The following UST variants were observed in gnomAD, a reference collection of about 807,000 sequenced individuals.
UST encodes the protein uronyl 2-sulfotransferase.
In UST, 21 loss-of-function variants were observed where a neutral mutation model predicts 45.6. That is an observed-to-expected ratio of 0.46 (90% CI 0.33 to 0.66). The LOEUF (loss-of-function observed/expected upper bound fraction) is 0.66. Among genes scored for constraint, UST ranks in the 30% least tolerant of loss-of-function variants. The probability of loss-of-function intolerance (pLI) is 0.02; values close to 1 mark genes in which losing one functional copy is unlikely to be tolerated. For missense variants in UST, 463 were observed against 512.4 expected, an observed-to-expected ratio of 0.90 and a Z score of 0.93; for synonymous variants, 215 against 200.6, an observed-to-expected ratio of 1.07 and a Z score of -0.61.
chr6:149,005,542 A>T lies in UST; in HGVS notation c.682-13597A>T. ...TAGTAAAGTCTCCAGTGTACTTTTC[A>T]TTCCTTCCACAAGCTTTTACCGAAT... On this transcript the variant is annotated intron_variant, in intron 5 of 7. Transcript: ENST00000367463. The T allele has an allele frequency of 3.0e-6, 3 of 985,410 alleles. No individual in the cohort carries two copies. The Middle Eastern group carries it at 1.6e-3, about 515-fold the overall frequency. The allele number at this position is 985,410 out of a possible 1,614,324, so 61.0% of individuals were successfully genotyped here. A position where few individuals can be genotyped will look rare whatever the true frequency, so the allele number is the denominator to read the frequency against.
intron 1 of UST, among the ~76,000 whole-genome samples, chr6:148,756,060 A>T (rs1031809120): frequency 7.3e-6 from 1 of 136,606 alleles, no homozygotes; most frequent in African/African-American, 2.8e-5. Context: ...CCTGTGTCCA[A>T]GTGTTCTCAT....
chr6:149,008,257 A>G (rs1775748479), intron 5 of UST, among the ~76,000 whole-genome samples: 2 of 152,236 alleles, frequency 1.3e-5, no homozygotes, highest in South Asian at 4.1e-4. Flanking sequence ...GAGTCAAAAG[A>G]TAAGATTCCA....
intron 1 of UST, among the ~76,000 whole-genome samples, chr6:148,843,653 C>T (rs1344448318): frequency 6.6e-6 from 1 of 152,198 alleles, no homozygotes; most frequent in Non-Finnish European, 1.5e-5. Flanking sequence ...GTGGCTGATT[C>T]CAGATTCCAG....
intron 1 of UST, among the ~76,000 whole-genome samples, chr6:148,813,355 A>G (rs921988646): frequency 2.0e-5 from 3 of 151,548 alleles, no homozygotes; most frequent in Non-Finnish European, 2.9e-5. Flanking sequence ...AATATAAGCC[A>G]TTGCCACCAA....
chr6:148,975,531 T>C (rs368531052), intron 5 of UST, among the ~76,000 whole-genome samples: 1 of 152,328 alleles, frequency 6.6e-6, no homozygotes, highest in East Asian at 1.9e-4. Context: ...ACTTTGTCAT[T>C]GTCTTGCTTA....
At chr6:148,768,101 A>G (rs1475351079) in intron 1 of UST, among the ~76,000 whole-genome samples, 1 of 152,220 alleles carries the variant, frequency 6.6e-6, no homozygotes, top group Non-Finnish European at 1.5e-5. Flanking sequence ...ATGGCTTTGT[A>G]TATTTCACTA....
At position 149,066,009 on chromosome 6, in the gene UST, C is replaced by T. The variant is rs139114691; in HGVS notation, c.938-7824C>T. On this transcript the variant is annotated intron_variant, in intron 7 of 7. Coordinates refer to ENST00000367463, the MANE Select transcript of UST (RefSeq NM_005715.3). ...CCAGGGAGAAGGGAAGAGGCTGGAACAGAGCCTGAGGAGGACTGGTCTTTA... is the reference window on the plus strand; with the variant it reads ...CCAGGGAGAAGGGAAGAGGCTGGAATAGAGCCTGAGGAGGACTGGTCTTTA... 4.3e-3 allele frequency among the ~76,000 whole-genome samples: 659 copies of T among 152,234 alleles called. 8 individuals are homozygous for T. Among genetic ancestry groups the T allele is most frequent in the African/African-American group, 0.014 (578 of 41,532 alleles).
At chr6:149,070,637 G>A (rs894797666) in intron 7 of UST, among the ~76,000 whole-genome samples, 1 of 152,102 alleles carries the variant, frequency 6.6e-6, no homozygotes, top group Admixed American at 6.5e-5. Flanking sequence ...ATACCTAATG[G>A]GGTACATGAG....
At chr6:148,938,748 T>C (rs1295970301) in intron 2 of UST, among the ~76,000 whole-genome samples, 3 of 151,628 alleles carry the variant, frequency 2.0e-5, no homozygotes, top group East Asian at 1.9e-4. Flanking sequence ...CTTTTCATAA[T>C]AGCTATGAAA....
intron 4 of UST, among the ~76,000 whole-genome samples, chr6:148,959,865 T>C (rs1412135981): frequency 6.6e-6 from 1 of 151,806 alleles, no homozygotes; most frequent in African/African-American, 2.4e-5. Flanking sequence ...AGTCTAGTCC[T>C]GGGCAGAGGA....
chr6:149,025,047 A>G (rs1018194725), intron 7 of UST, among the ~76,000 whole-genome samples: 1 of 152,220 alleles, frequency 6.6e-6, no homozygotes, highest in African/African-American at 2.4e-5. Flanking sequence ...AAAAAACACT[A>G]ATAGCAATGA....
intron 7 of UST, among the ~76,000 whole-genome samples, chr6:149,055,911 AC>A (rs1776555555): frequency 6.6e-6 from 1 of 152,082 alleles, no homozygotes; most frequent in South Asian, 2.1e-4. Flanking sequence ...CATCGCAACT[AC>A]CTTCATTTAT....
chr6:148,974,466 CAG>C (rs1469507165), intron 5 of UST, among the ~76,000 whole-genome samples: 1 of 152,100 alleles, frequency 6.6e-6, no homozygotes, highest in East Asian at 1.9e-4. Context: ...GTGTTTCAGA[CAG>C]AGTAGAAATG....
At chr6:149,007,578 G>A (rs1467187170) in intron 5 of UST, among the ~76,000 whole-genome samples, 31 of 149,988 alleles carry the variant, frequency 2.1e-4, no homozygotes, top group South Asian at 1.1e-3. Flanking sequence ...GTGAGCCACC[G>A]CGCCTGGCCT....
At chr6:148,758,095 A>T (rs1046877070) in intron 1 of UST, among the ~76,000 whole-genome samples, 7 of 152,224 alleles carry the variant, frequency 4.6e-5, no homozygotes, top group Non-Finnish European at 8.8e-5. Context: ...TTTAGCACAC[A>T]TACACATATG....
At chr6:148,978,147 T>C (rs1781055547) in intron 5 of UST, among the ~76,000 whole-genome samples, 1 of 152,206 alleles carries the variant, frequency 6.6e-6, no homozygotes. Flanking sequence ...TTATTTTCAG[T>C]TTACCAGATA....
rs779851155 is a variant in UST at position 148,909,502 on chromosome 6, A to AC, written c.291+22474dup. 1.2e-4 allele frequency among the ~76,000 whole-genome samples: 18 copies of AC among 152,274 alleles called. No homozygotes were observed. The South Asian group carries it at 1.2e-3, about 11-fold the overall frequency. On this transcript the variant is annotated intron_variant, in intron 2 of 7. Transcript: ENST00000367463. ...AAATTTCCCATCTTACTCTAAAAAG[A>AC]CTCTACTTGTATTCCAATTGCAGGC...
At chr6:148,833,839 G>A (rs1238726060) in intron 1 of UST, among the ~76,000 whole-genome samples, 1 of 152,146 alleles carries the variant, frequency 6.6e-6, no homozygotes, top group East Asian at 1.9e-4. Context: ...CATCAAAAAG[G>A]TTAAAGGGAA....
rs1488784015 is a variant in UST, at chr6:148,748,399, T to G, written c.247+722T>G. On this transcript the variant is annotated intron_variant, in intron 1 of 7. Transcript: ENST00000367463. This position sits in a 1 kb window ranked among gnomAD's most constrained non-coding sequence, Gnocchi z 5.3. ...GTGCGTCTCAAGCTCAAGTCAAAAC[T>G]TGTGTGTGTGTGTGTGTGTGTGTGT... is the stretch of plus-strand genomic sequence containing the variant. Among the ~76,000 whole-genome samples the G allele has an allele frequency of 1.6e-5, 2 of 127,530 alleles. No homozygotes were observed. The highest frequency in any genetic ancestry group is 3.1e-5 in the African/African-American group (1 of 32,488). 83.7% of individuals were successfully genotyped at this position (127,530 alleles called of 152,430 possible).
Sources: allele counts gnomAD v4.1 joint callset (sites outside exome capture counted in the v4.1 genomes callset), GRCh38; gene constraint gnomAD v4.1.1; non-coding constraint Gnocchi (gnomAD v3.1); transcripts MANE v1.5; gene names NCBI Gene and HGNC (gene_info 2026-07-23, HGNC 2026-07-21).